PAK5: variants seen among roughly 807,000 people sequenced by gnomAD.
PAK5 encodes p21 (RAC1) activated kinase 5.
Under a neutral mutation model 65.9 loss-of-function variants are expected in PAK5, and 16 were observed. That is an observed-to-expected ratio of 0.24 (90% CI 0.16 to 0.37). The LOEUF (loss-of-function observed/expected upper bound fraction) is 0.37, where lower values mean the gene tolerates loss of function less well. Ranked by LOEUF, PAK5 falls within the 10% of genes least tolerant of loss-of-function variation. PAK5 has a pLI of 1.00. For missense variants in PAK5, 785 were observed against 903.9 expected (o/e 0.87, Z 1.69); for synonymous variants, 371 against 354.9 (o/e 1.05, Z -0.51).
At chr20:9,798,364 T>C (rs377561632) in intron 1 of PAK5, among the ~76,000 whole-genome samples, 4 of 152,206 alleles carry the variant, frequency 2.6e-5, no homozygotes, top group East Asian at 3.9e-4. Flanking sequence ...GGAATAAACA[T>C]GCAAACTACT....
intron 2 of PAK5, among the ~76,000 whole-genome samples, chr20:9,651,170 T>C (rs2208757): frequency 0.06 from 9,207 of 152,232 alleles, 848 homozygotes; most frequent in African/African-American, 0.21. Context: ...CTTGGGCAAC[T>C]GGCTTTGCCT....
At chr20:9,649,564 A>C (rs912786023) in intron 2 of PAK5, among the ~76,000 whole-genome samples, 9 of 152,230 alleles carry the variant, frequency 5.9e-5, no homozygotes, top group African/African-American at 9.6e-5. Flanking sequence ...TTTGTCCCTA[A>C]CTTAGTGGGT....
intron 1 of PAK5, among the ~76,000 whole-genome samples, chr20:9,743,716 G>C (rs144882772): frequency 4.7e-4 from 71 of 152,250 alleles, no homozygotes; most frequent in Admixed American, 9.8e-4. Flanking sequence ...CAATGTGCTA[G>C]AAACAATATC....
At chr20:9,768,547 C>T (rs2048795974) in intron 1 of PAK5, among the ~76,000 whole-genome samples, 1 of 152,080 alleles carries the variant, frequency 6.6e-6, no homozygotes, top group Non-Finnish European at 1.5e-5. Context: ...CTTTGGGAGG[C>T]CAAGGTGGGT....
intron 1 of PAK5, among the ~76,000 whole-genome samples, chr20:9,802,048 T>C (rs1023498623): frequency 6.6e-6 from 1 of 152,144 alleles, no homozygotes; most frequent in East Asian, 1.9e-4. Context: ...AAAAAATGCT[T>C]CTTAGGACAG....
chr20:9,675,903 C>CACTT (rs371735751), intron 2 of PAK5, among the ~76,000 whole-genome samples: 28,508 of 140,852 alleles, frequency 0.2, 2,895 homozygotes, highest in East Asian at 0.42. Context: ...AATTCTGTAA[C>CACTT]ACTTACAACA....
chr20:9,660,948 A>G (rs952567537), intron 2 of PAK5, among the ~76,000 whole-genome samples: 2 of 152,086 alleles, frequency 1.3e-5, no homozygotes, highest in African/African-American at 4.8e-5. Context: ...AGCTTGTTTA[A>G]AAATGCAAAT....
intron 1 of PAK5, among the ~76,000 whole-genome samples, chr20:9,799,254 A>G (rs1396135573): frequency 1.3e-5 from 2 of 152,180 alleles, no homozygotes; most frequent in African/African-American, 4.8e-5. Flanking sequence ...AAAGAGGCCC[A>G]CTGTAATGTA....
intron 3 of PAK5, among the ~76,000 whole-genome samples, chr20:9,587,607 T>C (rs556572482): frequency 6.6e-6 from 1 of 152,240 alleles, no homozygotes; most frequent in South Asian, 2.1e-4. Flanking sequence ...GTCCAGTGCT[T>C]CTCAAACTTT....
chr20:9,670,966 G>A (rs1009410612), intron 2 of PAK5, among the ~76,000 whole-genome samples: 1 of 152,116 alleles, frequency 6.6e-6, no homozygotes, highest in African/African-American at 2.4e-5. Context: ...TGTAAGGAAG[G>A]GATCCAGTTT....
At chr20:9,615,199 C>T (rs1030865805) in intron 3 of PAK5, among the ~76,000 whole-genome samples, 3 of 152,096 alleles carry the variant, frequency 2.0e-5, no homozygotes, top group Admixed American at 6.6e-5. Context: ...ACAGGTAGAG[C>T]ACAGAGGATT....
intron 1 of PAK5, among the ~76,000 whole-genome samples, chr20:9,826,595 T>C (rs904181390): frequency 1.3e-5 from 2 of 152,216 alleles, no homozygotes; most frequent in African/African-American, 4.8e-5. Flanking sequence ...CTCCGAGAAT[T>C]CTGCCGCAAA....
chr20:9,570,897 C>T (rs1263881773), intron 4 of PAK5, among the ~76,000 whole-genome samples: 1 of 152,216 alleles, frequency 6.6e-6, no homozygotes. Flanking sequence ...TCAGAATCCA[C>T]CCTTAACAGC....
chr20:9,650,766 C>T (rs1054740758), intron 2 of PAK5, among the ~76,000 whole-genome samples: 4 of 152,066 alleles, frequency 2.6e-5, no homozygotes, highest in Admixed American at 6.6e-5. Flanking sequence ...GCTTATGGTC[C>T]CCACTTCCCA....
intron 3 of PAK5, among the ~76,000 whole-genome samples, chr20:9,592,907 A>C (rs1369895221): frequency 3.9e-5 from 6 of 152,056 alleles, no homozygotes; most frequent in Admixed American, 3.9e-4. Flanking sequence ...AGGGGAAGAA[A>C]ATCCCATCTC....
intron 1 of PAK5, among the ~76,000 whole-genome samples, chr20:9,742,118 G>C (rs972734825): frequency 6.6e-6 from 1 of 152,070 alleles, no homozygotes; most frequent in African/African-American, 2.4e-5. Context: ...GGGTATCCAG[G>C]TGCCACACAG....
intron 1 of PAK5, among the ~76,000 whole-genome samples, chr20:9,757,443 G>A (rs2048648119): frequency 6.6e-6 from 1 of 152,102 alleles, no homozygotes; most frequent in Non-Finnish European, 1.5e-5. Flanking sequence ...ATCAAATACA[G>A]ACTTTAACCC....
chr20:9,582,386 T>C (rs1344168465), intron 3 of PAK5, among the ~76,000 whole-genome samples: 1 of 152,206 alleles, frequency 6.6e-6, no homozygotes, highest in Non-Finnish European at 1.5e-5. Flanking sequence ...TGTTCCTCCA[T>C]TGGGGTTTTC....
intron 3 of PAK5, among the ~76,000 whole-genome samples, chr20:9,640,896 C>G (rs1037991926): frequency 6.6e-6 from 1 of 152,128 alleles, no homozygotes; most frequent in African/African-American, 2.4e-5. Flanking sequence ...AGTGTGGCCC[C>G]GAAGAGTGAG....
Sources: gnomAD v4.1 joint callset for allele counts (sites outside exome capture counted in the v4.1 genomes callset) on GRCh38, gnomAD v4.1.1 for gene constraint, MANE v1.5 for transcripts, NCBI Gene and HGNC (gene_info 2026-07-23, HGNC 2026-07-21) for gene names.